GPHN: variants seen among roughly 807,000 people sequenced by gnomAD.
GPHN encodes gephyrin.
Under a neutral mutation model 95.5 loss-of-function variants are expected in GPHN, and 17 were observed. The ratio of observed to expected loss-of-function variants is 0.18; its 90% CI spans 0.12 to 0.27. The LOEUF is 0.27. GPHN is among the 10% of genes least tolerant of loss of function. GPHN has a pLI of 1.00. For synonymous variants in GPHN, 320 were observed against 322.5 expected, an observed-to-expected ratio of 0.99 and a Z score of 0.08; for missense variants, 660 against 978.1, an observed-to-expected ratio of 0.67 and a Z score of 4.34.
At chr14:67,559,087 G>C in the GPHN span, among the ~76,000 whole-genome samples, 1 of 152,200 alleles carries the variant, frequency 6.6e-6, no homozygotes, top group East Asian at 1.9e-4. Context: ...TTATAGGCAT[G>C]AGCCACCATG....
At chr14:66,784,304 A>C (rs2059700673) in intron 3 of GPHN, among the ~76,000 whole-genome samples, 1 of 152,226 alleles carries the variant, frequency 6.6e-6, no homozygotes, top group Non-Finnish European at 1.5e-5. Flanking sequence ...GTCAACTACA[A>C]ATGCCATATT....
the GPHN span, among the ~76,000 whole-genome samples, chr14:67,699,248 T>G: frequency 6.8e-6 from 1 of 147,452 alleles, no homozygotes; most frequent in African/African-American, 2.5e-5. Context: ...AGCGAGACTC[T>G]ATCTCAGAAA....
At chr14:67,590,788 T>C in the GPHN span, among the ~76,000 whole-genome samples, 1 of 152,326 alleles carries the variant, frequency 6.6e-6, no homozygotes, top group East Asian at 1.9e-4. Flanking sequence ...ACAGCACAGC[T>C]TGTGAACTAT....
chr14:67,256,992 G>T, the GPHN span, among the ~76,000 whole-genome samples: 3 of 152,188 alleles, frequency 2.0e-5, no homozygotes, highest in Non-Finnish European at 4.4e-5. Flanking sequence ...GACGACAGGT[G>T]CCCAAGGTGA....
the GPHN span, among the ~76,000 whole-genome samples, chr14:67,605,206 A>C: frequency 1.3e-5 from 2 of 152,228 alleles, no homozygotes; most frequent in Non-Finnish European, 2.9e-5. Context: ...TGAACCTGGC[A>C]TCTCTCCATT....
At chr14:67,706,765 C>T in the GPHN span, among the ~76,000 whole-genome samples, 1 of 152,060 alleles carries the variant, frequency 6.6e-6, no homozygotes, top group African/African-American at 2.4e-5. Context: ...ACATTTTCTC[C>T]ACCCTTTAAA....
At chr14:66,645,708 A>G (rs1313624008) in intron 1 of GPHN, among the ~76,000 whole-genome samples, 1 of 149,622 alleles carries the variant, frequency 6.7e-6, no homozygotes, top group African/African-American at 2.5e-5. Flanking sequence ...AAAAAAAAAG[A>G]AAATTTTTTT....
At chr14:67,624,061 G>A in the GPHN span, among the ~76,000 whole-genome samples, 18 of 152,074 alleles carry the variant, frequency 1.2e-4, no homozygotes, top group Admixed American at 4.6e-4. Context: ...GGCTGGTCCC[G>A]AACTCCTGGG....
At chr14:67,502,536 T>A in the GPHN span, among the ~76,000 whole-genome samples, 1 of 145,886 alleles carries the variant, frequency 6.9e-6, no homozygotes, top group Non-Finnish European at 1.5e-5. Flanking sequence ...CACTGCAACC[T>A]CCGCCTCCGA....
intron 11 of GPHN, among the ~76,000 whole-genome samples, chr14:67,063,422 T>C (rs1289221180): frequency 6.6e-6 from 1 of 152,224 alleles, no homozygotes; most frequent in Non-Finnish European, 1.5e-5. Flanking sequence ...AGAGCTCTTT[T>C]TTGGTTCCAT....
At chr14:67,281,622 T>G in the GPHN span, among the ~76,000 whole-genome samples, 4 of 152,178 alleles carry the variant, frequency 2.6e-5, no homozygotes, top group African/African-American at 7.2e-5. Context: ...TCCCTTAAGA[T>G]TAAAGTATTT....
intron 2 of GPHN, among the ~76,000 whole-genome samples, chr14:66,757,087 A>G (rs1339971984): frequency 1.3e-5 from 2 of 152,230 alleles, no homozygotes; most frequent in African/African-American, 4.8e-5. Context: ...GAAATTGTGT[A>G]GAGCAAGATA....
chr14:66,686,266 A>G (rs529660101), intron 2 of GPHN, among the ~76,000 whole-genome samples: 1 of 152,144 alleles, frequency 6.6e-6, no homozygotes, highest in South Asian at 2.1e-4. Flanking sequence ...TAAAGTAGTT[A>G]TTTCCAATTC....
the GPHN span, among the ~76,000 whole-genome samples, chr14:67,505,673 G>C: frequency 6.6e-6 from 1 of 151,994 alleles, no homozygotes; most frequent in Non-Finnish European, 1.5e-5. Context: ...CAGGGGCTGA[G>C]GAAGGAGCAA....
intron 1 of GPHN, among the ~76,000 whole-genome samples, chr14:66,678,903 C>A (rs757106638): frequency 6.6e-6 from 1 of 152,184 alleles, no homozygotes; most frequent in Non-Finnish European, 1.5e-5. Context: ...GAGTCAGCGA[C>A]AAGACTTTCC....
At chr14:67,198,174 A>T in the GPHN span, 1 of 1,612,746 alleles carries the variant, frequency 6.2e-7, no homozygotes, top group Non-Finnish European at 8.5e-7. Flanking sequence ...GAAGAAGAAC[A>T]CCAGCAAGAC....
intron 9 of GPHN, among the ~76,000 whole-genome samples, chr14:66,978,125 C>T (rs759666668): frequency 9.9e-5 from 15 of 152,130 alleles, no homozygotes; most frequent in Non-Finnish European, 2.1e-4. Flanking sequence ...AGTCCTAAAC[C>T]GTTATTACAA....
the GPHN span, chr14:67,559,538 T>C: frequency 8.1e-6 from 9 of 1,107,590 alleles, no homozygotes; most frequent in African/African-American, 9.3e-5. Flanking sequence ...TTTCTTGGGG[T>C]TTCCCACCTC....
intron 9 of GPHN, among the ~76,000 whole-genome samples, chr14:66,973,159 A>G (rs554861107): frequency 2.0e-4 from 30 of 152,138 alleles, no homozygotes; most frequent in Non-Finnish European, 3.4e-4. Flanking sequence ...TTTTTTTTCC[A>G]TAGAAGCAGT....
Sources: allele counts gnomAD v4.1 joint callset (sites outside exome capture counted in the v4.1 genomes callset), GRCh38; gene constraint gnomAD v4.1.1; transcripts MANE v1.5; gene names NCBI Gene and HGNC (gene_info 2026-07-23, HGNC 2026-07-21).